Variants in TJP2 observed in about 807,000 individuals in gnomAD.
TJP2 encodes tight junction protein 2.
TJP2 carries 91 observed loss-of-function variants against 133.1 expected under a neutral mutation model. That is an observed-to-expected ratio of 0.68 (90% CI 0.58 to 0.81). TJP2 has a LOEUF of 0.81. TJP2 is among the 40% of genes least tolerant of loss of function. TJP2 has a pLI of 0.00. For missense variants in TJP2, 1,541 were observed against 1,565.6 expected (o/e 0.98, Z 0.26); for synonymous variants, 592 against 583.4 (o/e 1.01, Z -0.21).
chr9:69,216,240 C>G, intron 2 of TJP2, 99 bp from the exon 3 acceptor site: 4 of 1,431,654 alleles, frequency 2.8e-6, no homozygotes, highest in Non-Finnish European at 3.9e-6. Context: ...TGAACAGTCT[C>G]TGGTTATTGA....
At chr9:69,250,585 C>G (rs903786488) in intron 20 of TJP2, among the ~76,000 whole-genome samples, 2 of 152,138 alleles carry the variant, frequency 1.3e-5, no homozygotes, top group African/African-American at 4.8e-5. Flanking sequence ...GCAGTGCTCT[C>G]CTCGCTCCCC....
At chr9:69,122,186 C>T (rs1436770555) in intron 1 of TJP2, 3 of 152,266 alleles carry the variant, frequency 2.0e-5, no homozygotes, top group East Asian at 1.9e-4. Flanking sequence ...TTCTGCTGAG[C>T]TTCTCTTTTA....
Position 69,135,561 on chromosome 9 carries a change from C to T in TJP2, c.-131+13836C>T, listed in dbSNP as rs181664847. ...ATTCAGGTGATTCTCCTGCCTCAGC[C>T]CCCTGAGTGGCTGGGATTACAGGCA... On this transcript the variant is annotated intron_variant, in intron 1 of 5. Coordinates refer to the TJP2 transcript ENST00000423935. 8.5e-5 allele frequency among the ~76,000 whole-genome samples: 13 copies of T among 152,196 alleles called. No individual in the cohort carries two copies. The East Asian group carries it at 2.5e-3, about 29-fold the overall frequency.
chr9:69,250,640 G>A lies in TJP2; in HGVS notation c.2992-395G>A, dbSNP rs963772375. Reference sequence around the variant, plus strand: ...GCTGGACATGGGTCTCACCTGGGCCGGCTCATGTACCCTCAGTGCAGCAGT... The same window carrying A: ...GCTGGACATGGGTCTCACCTGGGCCAGCTCATGTACCCTCAGTGCAGCAGT... On this transcript the variant is annotated intron_variant, in intron 20 of 22. Coordinates refer to ENST00000377245, the MANE Select transcript of TJP2 (RefSeq NM_004817.4). Among the ~76,000 whole-genome samples, 5 of 152,202 alleles carry A rather than the reference G, an allele frequency of 3.3e-5. No individual in the cohort carries two copies. In the East Asian group the frequency reaches 7.7e-4, roughly 24 times the overall value.
upstream of TJP2, among the ~76,000 whole-genome samples, chr9:69,171,789 A>ATTTTTTTTTTT (rs34717893): frequency 2.3e-5 from 2 of 86,756 alleles, no homozygotes; most frequent in Non-Finnish European, 4.1e-5. Flanking sequence ...GAGTAGAAGA[A>ATTTTTTTTTTT]TTTTTTTTTT....
chr9:69,150,072 C>T (rs1823395511), intron 1 of TJP2, among the ~76,000 whole-genome samples: 1 of 151,964 alleles, frequency 6.6e-6, no homozygotes, highest in Non-Finnish European at 1.5e-5. Context: ...ACTGCTTGAA[C>T]CCAGGAGGCG....
chr9:69,229,170 T>G lies in TJP2; in HGVS notation c.1454-14T>G. 6.2e-7 allele frequency: 1 copy of G among 1,613,672 alleles called. No individual in the cohort carries two copies. Among genetic ancestry groups the G allele is most frequent in the Non-Finnish European group, 8.5e-7 (1 of 1,179,544 alleles). On this transcript the variant is annotated splice_polypyrimidine_tract_variant and intron_variant, in intron 9 of 22. Coordinates refer to ENST00000377245, the MANE Select transcript of TJP2 (RefSeq NM_004817.4). ...AGTCCAGATTGATAACAGTAGATGTTTCTTAACCTACAGCTCCTCAACCAA... is the reference window on the plus strand; with the variant it reads ...AGTCCAGATTGATAACAGTAGATGTGTCTTAACCTACAGCTCCTCAACCAA...
At chr9:69,214,925 A>G (rs1828245210) in intron 2 of TJP2, among the ~76,000 whole-genome samples, 1 of 152,182 alleles carries the variant, frequency 6.6e-6, no homozygotes, top group South Asian at 2.1e-4. Flanking sequence ...TTGAAATGAA[A>G]CTACCAACAC....
At chr9:69,169,177 T>A (rs571941345) in intron 2 of TJP2, among the ~76,000 whole-genome samples, 1 of 152,338 alleles carries the variant, frequency 6.6e-6, no homozygotes, top group African/African-American at 2.4e-5. Flanking sequence ...TACATATCGT[T>A]GTCTTCAACA....
At chr9:69,229,279 C>T in intron 10 of TJP2, 29 bp downstream of exon 10, 2 of 1,599,950 alleles carry the variant, frequency 1.3e-6, no homozygotes, top group Admixed American at 3.3e-5. Context: ...CTTTGTTTTC[C>T]CTTCTTCCTT....
chr9:69,197,466 T>C (rs1042676217), intron 1 of TJP2, among the ~76,000 whole-genome samples: 1 of 152,240 alleles, frequency 6.6e-6, no homozygotes, highest in Non-Finnish European at 1.5e-5. Flanking sequence ...TGTACACATG[T>C]ATTTTCAATT....
intron 1 of TJP2, among the ~76,000 whole-genome samples, chr9:69,130,743 T>A (rs1273528324): frequency 2.6e-5 from 4 of 151,206 alleles, no homozygotes; most frequent in Non-Finnish European, 5.9e-5. Flanking sequence ...GAGGACGAAT[T>A]GAGGAATACT....
At position 69,137,287 on chromosome 9, in the gene TJP2, CTTTCTTTCTTTCTTTTCTTTTCTTTTCT is replaced by C. The variant is rs1564372620; in HGVS notation, c.-130-14356_-130-14329del. ...TTTCTTTCTTTTTCTTTCTTTCTTT[CTTTCTTTCTTTCTTTTCTTTTCTTTTCT>C]TTTCTTTTCTTTTCTTTTTTTTTTT... On this transcript the variant is annotated intron_variant, in intron 1 of 5. Coordinates refer to the TJP2 transcript ENST00000423935. 3.6e-3 allele frequency among the ~76,000 whole-genome samples: 320 copies of C among 88,178 alleles called. 3 individuals carry two copies. The highest frequency in any genetic ancestry group is 5.1e-3 in the African/African-American group (122 of 24,134). 57.8% of individuals were successfully genotyped at this position (88,178 alleles called of 152,430 possible).
At chr9:69,239,319 T>A (rs543367257) in intron 16 of TJP2, among the ~76,000 whole-genome samples, 424 of 151,288 alleles carry the variant, frequency 2.8e-3, no homozygotes, top group South Asian at 0.013. Context: ...CTCAAAAAAA[T>A]ATATATATAA....
rs1831155098 is a variant in TJP2, at chr9:69,249,302, C to T, written c.2881-73C>T. 9 of 1,550,892 alleles carry T rather than the reference C, an allele frequency of 5.8e-6. No homozygotes were observed. In the South Asian group the frequency reaches 1.1e-4, roughly 19 times the overall value. Reference sequence around the variant, plus strand: ...GGACTTACTCAAGTTTGCAGAACTCCTCCAAAGCAGTCGAGTGCTCTGTTC... The same window carrying T: ...GGACTTACTCAAGTTTGCAGAACTCTTCCAAAGCAGTCGAGTGCTCTGTTC... On this transcript the variant is annotated intron_variant, in intron 19 of 22. Transcript: ENST00000377245.
At chr9:69,218,023 C>A (rs1309961320) in intron 3 of TJP2, among the ~76,000 whole-genome samples, 1 of 152,150 alleles carries the variant, frequency 6.6e-6, no homozygotes. Flanking sequence ...GGAGATCAGG[C>A]CTCTCTCTTC....
At chr9:69,201,206 T>G (rs1333283035) in intron 1 of TJP2, among the ~76,000 whole-genome samples, 1 of 152,192 alleles carries the variant, frequency 6.6e-6, no homozygotes, top group Non-Finnish European at 1.5e-5. Flanking sequence ...GTATGGAAGC[T>G]AGGAATCTTT....
At chr9:69,250,639 C>T (rs369240378) in intron 20 of TJP2, among the ~76,000 whole-genome samples, 1 of 152,162 alleles carries the variant, frequency 6.6e-6, no homozygotes, top group Non-Finnish European at 1.5e-5. Flanking sequence ...TCACCTGGGC[C>T]GGCTCATGTA....
intron 14 of TJP2, 72 bp downstream of exon 14, chr9:69,237,208 G>C: frequency 6.4e-7 from 1 of 1,561,422 alleles, no homozygotes; most frequent in Non-Finnish European, 8.8e-7. Flanking sequence ...TTTTCAGACT[G>C]TATGGTCAAG....
Sources: gnomAD v4.1 joint callset for allele counts (sites outside exome capture counted in the v4.1 genomes callset) on GRCh38, gnomAD v4.1.1 for gene constraint, MANE v1.5 for transcripts, NCBI Gene and HGNC (gene_info 2026-07-23, HGNC 2026-07-21) for gene names.